TNNI3K: variants seen among roughly 807,000 people sequenced by gnomAD.
TNNI3K encodes serine/threonine-protein kinase TNNI3K.
In TNNI3K, 140 loss-of-function variants were observed where a neutral mutation model predicts 114.5. The observed-to-expected ratio is 1.22, with a 90% CI of 1.07 to 1.41. The LOEUF (loss-of-function observed/expected upper bound fraction) is 1.41, where lower values mean the gene tolerates loss of function less well. Among genes scored for constraint, TNNI3K ranks in the 40% most tolerant of loss-of-function variants. The pLI is 0.00. For synonymous variants in TNNI3K, 347 were observed against 347.5 expected, an observed-to-expected ratio of 1.00 and a Z score of 0.02; for missense variants, 1,125 against 1,007.6, an observed-to-expected ratio of 1.12 and a Z score of -1.58.
intron 23 of TNNI3K, among the ~76,000 whole-genome samples, chr1:74,511,754 T>C (rs931834070): frequency 1.3e-5 from 2 of 151,824 alleles, no homozygotes; most frequent in African/African-American, 2.4e-5. Context: ...AGAGTCAAGG[T>C]AGGCTTCCCA....
At chr1:74,520,304 A>G (rs147972343) in intron 23 of TNNI3K, among the ~76,000 whole-genome samples, 2 of 152,292 alleles carry the variant, frequency 1.3e-5, no homozygotes, top group African/African-American at 2.4e-5. Context: ...TGGCATTTAA[A>G]TACACGTACA....
chr1:74,372,520 A>G (rs930572840), intron 17 of TNNI3K: 3 of 151,926 alleles, frequency 2.0e-5, no homozygotes, highest in African/African-American at 7.2e-5. Context: ...ATTTTTAGCT[A>G]TTAGTTCTTT....
intron 4 of TNNI3K, among the ~76,000 whole-genome samples, chr1:74,262,091 T>C (rs1048500477): frequency 6.6e-6 from 1 of 152,114 alleles, no homozygotes; most frequent in Non-Finnish European, 1.5e-5. Context: ...ATATATTTGA[T>C]TGCAAAGTTG....
intron 12 of TNNI3K, 32 bp downstream of exon 12, chr1:74,367,374 G>A: frequency 6.2e-7 from 1 of 1,606,566 alleles, no homozygotes; most frequent in Non-Finnish European, 8.5e-7. Context: ...TTTCATTATT[G>A]TATAATATAT....
At chr1:74,410,138 A>G (rs958976977) in intron 17 of TNNI3K, among the ~76,000 whole-genome samples, 1 of 152,194 alleles carries the variant, frequency 6.6e-6, no homozygotes, top group African/African-American at 2.4e-5. Flanking sequence ...CTATATGACA[A>G]ATTAATTCTG....
intron 5 of TNNI3K, among the ~76,000 whole-genome samples, chr1:74,290,696 A>G (rs974270852): frequency 3.3e-5 from 5 of 151,726 alleles, no homozygotes; most frequent in Non-Finnish European, 7.4e-5. Context: ...GTGACACTCA[A>G]GTTTTTTCTT....
chr1:74,239,594 A>G (rs1307066118), intron 2 of TNNI3K, among the ~76,000 whole-genome samples: 1 of 152,174 alleles, frequency 6.6e-6, no homozygotes, highest in Non-Finnish European at 1.5e-5. Context: ...CATTTAAACT[A>G]GCATGAAACG....
At chr1:74,518,739 A>G (rs2100404558) in intron 23 of TNNI3K, among the ~76,000 whole-genome samples, 1 of 152,280 alleles carries the variant, frequency 6.6e-6, no homozygotes, top group African/African-American at 2.4e-5. Flanking sequence ...TTGCTTTTAT[A>G]TAATTTATTT....
chr1:74,261,136 AG>A (rs1283776434), intron 4 of TNNI3K, among the ~76,000 whole-genome samples: 20 of 152,214 alleles, frequency 1.3e-4, no homozygotes, highest in African/African-American at 4.3e-4. Context: ...TTTTCTTCAC[AG>A]GACTCTTTTA....
At chr1:74,539,125 C>T (rs182322834) in intron 23 of TNNI3K, among the ~76,000 whole-genome samples, 10 of 152,214 alleles carry the variant, frequency 6.6e-5, no homozygotes, top group African/African-American at 1.7e-4. Context: ...GGAAAAGATT[C>T]GTCTAGGCCT....
chr1:74,500,471 G>C (rs1669559582), intron 23 of TNNI3K, among the ~76,000 whole-genome samples: 1 of 150,616 alleles, frequency 6.6e-6, no homozygotes, highest in African/African-American at 2.4e-5. Context: ...GGGCGTAGTG[G>C]CGGGCGCCTG....
intron 7 of TNNI3K, among the ~76,000 whole-genome samples, chr1:74,338,068 A>G (rs1032994036): frequency 2.6e-5 from 4 of 151,984 alleles, no homozygotes; most frequent in African/African-American, 4.8e-5. Flanking sequence ...ATAAACACAC[A>G]TATATATATG....
At chr1:74,456,712 TG>T (rs1210527360) in intron 20 of TNNI3K, among the ~76,000 whole-genome samples, 1 of 152,176 alleles carries the variant, frequency 6.6e-6, no homozygotes, top group Admixed American at 6.6e-5. Context: ...TTTAACTCTG[TG>T]TCCTGGGATT....
chr1:74,524,641 C>T (rs1646478239), intron 23 of TNNI3K, among the ~76,000 whole-genome samples: 2 of 147,802 alleles, frequency 1.4e-5, no homozygotes, highest in Admixed American at 1.4e-4. Flanking sequence ...ATACCCAAAG[C>T]TTTTACTTTT....
At chr1:74,466,176 ACACT>A (rs1667673021) in intron 21 of TNNI3K, among the ~76,000 whole-genome samples, 1 of 152,202 alleles carries the variant, frequency 6.6e-6, no homozygotes, top group Non-Finnish European at 1.5e-5. Context: ...AAGAAGTGTA[ACACT>A]CACTGCGTGG....
chr1:74,444,547 G>A (rs976625553), intron 20 of TNNI3K, among the ~76,000 whole-genome samples: 1 of 151,934 alleles, frequency 6.6e-6, no homozygotes, highest in African/African-American at 2.4e-5. Flanking sequence ...ACAAACAAAT[G>A]GAAAAACATT....
rs866962510 is a variant in TNNI3K at position 74,369,053 on chromosome 1, A to G, written c.1353A>G (p.Gly451=). 1.9e-6 allele frequency: 3 copies of G among 1,609,572 alleles called. No individual in the cohort carries two copies. In the Middle Eastern group the frequency reaches 5.0e-4, roughly 267 times the overall value. The stretch of plus-strand genomic sequence containing the variant: ...CAGATATTCTCCTCCTAAGAGCTGG[A>G]TTGCCTTCACATTTCCATCTTCAGC... ...EKADILLLRA[G]LPSHFHLQLS... Residue 451 remains glycine, a synonymous_variant, in exon 14 of 25, where the codon GGA becomes GGG. Coordinates refer to ENST00000326637, the MANE Select transcript of TNNI3K (RefSeq NM_015978.3).
At chr1:74,255,353 C>T (rs1244232539) in intron 4 of TNNI3K, among the ~76,000 whole-genome samples, 1 of 101,048 alleles carries the variant, frequency 9.9e-6, no homozygotes, top group East Asian at 3.0e-4. Context: ...GACTCCGTCT[C>T]AAAAAAAAAA....
At chr1:74,516,708 T>G (rs1268075990) in intron 23 of TNNI3K, among the ~76,000 whole-genome samples, 1 of 152,150 alleles carries the variant, frequency 6.6e-6, no homozygotes, top group African/African-American at 2.4e-5. Context: ...TGAGGATGGC[T>G]TGTATATTCC....
Sources: gnomAD v4.1 joint callset for allele counts (sites outside exome capture counted in the v4.1 genomes callset) on GRCh38, gnomAD v4.1.1 for gene constraint, MANE v1.5 for transcripts, NCBI Gene and HGNC (gene_info 2026-07-23, HGNC 2026-07-21) for gene names.